PRKCZ: variants seen among roughly 807,000 people sequenced by gnomAD.
The protein encoded by PRKCZ is protein kinase C zeta.
In PRKCZ, 33 loss-of-function variants were observed where a neutral mutation model predicts 79.5. That is an observed-to-expected ratio of 0.41 (90% confidence interval 0.31 to 0.55). The LOEUF (loss-of-function observed/expected upper bound fraction) is 0.55. Among genes scored for constraint, PRKCZ ranks in the 20% least tolerant of loss-of-function variants. PRKCZ has a pLI of 0.19. For synonymous variants in PRKCZ, 342 were observed against 320.9 expected (o/e 1.07, Z -0.70); for missense variants, 578 against 813.5 (o/e 0.71, Z 3.52).
chr1:2,131,829 T>C (rs898348433), intron 4 of PRKCZ, among the ~76,000 whole-genome samples: 1 of 152,250 alleles, frequency 6.6e-6, no homozygotes, highest in Non-Finnish European at 1.5e-5. Context: ...TGTTTTTGTT[T>C]TTGAGAGAGT....
intron 8 of PRKCZ, among the ~76,000 whole-genome samples, chr1:2,150,119 G>T (rs558914933): frequency 1.5e-5 from 2 of 132,716 alleles, no homozygotes; most frequent in African/African-American, 5.9e-5. Flanking sequence ...TCGAGATCGT[G>T]CCACTGCACT....
At chr1:2,136,982 G>A (rs1251359790) in intron 5 of PRKCZ, among the ~76,000 whole-genome samples, 1 of 152,138 alleles carries the variant, frequency 6.6e-6, no homozygotes, top group African/African-American at 2.4e-5. Flanking sequence ...CTGGCCCTCG[G>A]GCGCACAAGA....
chr1:2,081,727 G>T (rs955300227), intron 4 of PRKCZ, among the ~76,000 whole-genome samples: 6 of 152,144 alleles, frequency 3.9e-5, no homozygotes, highest in African/African-American at 9.7e-5. Context: ...AGGGTCAGCA[G>T]CCCAGGCTCT....
At chr1:2,110,121 GCCCTCCCTGGGGGCAGCCAAGGAC>G (rs1669431774) in intron 4 of PRKCZ, among the ~76,000 whole-genome samples, 1 of 71,184 alleles carries the variant, frequency 1.4e-5, no homozygotes, top group African/African-American at 6.5e-5. Context: ...TGAATCCGGG[GCCCTCCCTGGGGGCAGCCAAGGAC>G]CTAAAACCAA....
At chr1:2,054,787 C>T (rs1268295697) in intron 1 of PRKCZ, among the ~76,000 whole-genome samples, 1 of 152,132 alleles carries the variant, frequency 6.6e-6, no homozygotes, top group Non-Finnish European at 1.5e-5. Flanking sequence ...ATCCCGGGGT[C>T]ACCCACATTT....
intron 4 of PRKCZ, among the ~76,000 whole-genome samples, chr1:2,103,690 A>G (rs1667883606): frequency 6.6e-6 from 1 of 152,216 alleles, no homozygotes; most frequent in South Asian, 2.1e-4. Context: ...TATGATTGCA[A>G]CACTGCACTC....
Position 2,112,691 on chromosome 1 carries a change from G to GTTGGT in PRKCZ, c.335-22569_335-22568insGGTTT, listed in dbSNP as rs1553150908. ...TTTTGTTTGTTTGGTTGGTTGGTTGGTTTTTTTTTTTTTTGGAGACAGAGT... is the reference window on the plus strand; with the variant it reads ...TTTTGTTTGTTTGGTTGGTTGGTTGGTTGGTTTTTTTTTTTTTTTGGAGACAGAGT... On this transcript the variant is annotated intron_variant, in intron 4 of 17. Coordinates refer to ENST00000378567, the MANE Select transcript of PRKCZ (RefSeq NM_002744.6). Among the ~76,000 whole-genome samples, 3 of 146,496 alleles carry GTTGGT rather than the reference G, an allele frequency of 2.0e-5. No individual in the cohort carries two copies. The East Asian group carries it at 5.9e-4, about 29-fold the overall frequency.
intron 4 of PRKCZ, among the ~76,000 whole-genome samples, chr1:2,110,955 C>G (rs1464657866): frequency 6.6e-6 from 1 of 152,108 alleles, no homozygotes; most frequent in Non-Finnish European, 1.5e-5. Flanking sequence ...GTCCCTGCGG[C>G]CTTCCCCTCG....
chr1:2,149,018 A>T lies in PRKCZ; in HGVS notation c.687+94A>T. On this transcript the variant is annotated intron_variant, in intron 8 of 17. Transcript: ENST00000378567. The surrounding 1 kb of genome is among the most constrained non-coding windows in gnomAD (Gnocchi z 4.1). ...GTAGTCACGGAAATCTAGATGTGAAATAGACATGGTCCGGGGTGTTGCTAA... is the reference window on the plus strand; with the variant it reads ...GTAGTCACGGAAATCTAGATGTGAATTAGACATGGTCCGGGGTGTTGCTAA... 7.3e-7 allele frequency: 1 copy of T among 1,373,370 alleles called. No homozygotes were observed. The highest frequency in any genetic ancestry group is 1.8e-4 in the Middle Eastern group (1 of 5,620). The allele number at this position is 1,373,370 out of a possible 1,614,324, so 85.1% of individuals were successfully genotyped here.
intron 5 of PRKCZ, 53 bp from the exon 6 acceptor site, chr1:2,144,157 C>T (rs1677993676): frequency 1.3e-6 from 2 of 1,539,476 alleles, no homozygotes; most frequent in Non-Finnish European, 1.8e-6. Flanking sequence ...TGCCTGTCCT[C>T]TCCGCTGGCC....
chr1:2,103,894 C>T (rs1032195863), intron 4 of PRKCZ, among the ~76,000 whole-genome samples: 4 of 152,292 alleles, frequency 2.6e-5, no homozygotes, highest in East Asian at 1.9e-4. Context: ...AACGCGCCCC[C>T]GTTTAAACAC....
chr1:2,152,952 C>T (rs570638370), intron 9 of PRKCZ, among the ~76,000 whole-genome samples: 4 of 152,356 alleles, frequency 2.6e-5, no homozygotes, highest in African/African-American at 4.8e-5. Context: ...TGAAGGTTCG[C>T]GTACAAGAAT....
chr1:2,146,172 C>T (rs1678473985), intron 7 of PRKCZ, 64 bp downstream of exon 7: 1 of 1,478,340 alleles, frequency 6.8e-7, no homozygotes, highest in South Asian at 1.1e-5. Context: ...TCACCTCTGC[C>T]TTCTAGCCAC....
chr1:2,127,584 C>T lies in PRKCZ; in HGVS notation c.335-7678C>T, dbSNP rs1245941389. On this transcript the variant is annotated intron_variant, in intron 4 of 17. Coordinates refer to ENST00000378567, the MANE Select transcript of PRKCZ (RefSeq NM_002744.6). This position sits in a 1 kb window ranked among gnomAD's most constrained non-coding sequence, Gnocchi z 5.1. ...GCAGAAGGAATGAAGGACTTCTGTT[C>T]AGACAGCTCTGCTGGGAGCGTTCTG... Among the ~76,000 whole-genome samples, 1 of 152,242 alleles carries T rather than the reference C, an allele frequency of 6.6e-6. No homozygotes were observed. The highest frequency in any genetic ancestry group is 2.4e-5 in the African/African-American group (1 of 41,472).
Position 2,173,626 on chromosome 1 carries a change from C to T in PRKCZ, c.1286-271C>T, listed in dbSNP as rs1335809632. On this transcript the variant is annotated intron_variant, in intron 13 of 17. Transcript: ENST00000378567. This position sits in a 1 kb window ranked among gnomAD's most constrained non-coding sequence, Gnocchi z 5.7. ...CCGCAGGTTCCACCAGTGCCTCGTG[C>T]CGGTGTGGTCACAGGTGCCCTGGCA... Among the ~76,000 whole-genome samples the T allele has an allele frequency of 1.3e-5, 2 of 152,236 alleles. No individual in the cohort carries two copies. Among genetic ancestry groups the T allele is most frequent in the African/African-American group, 4.8e-5 (2 of 41,448 alleles).
Position 2,178,628 on chromosome 1 carries a change from CA to C in PRKCZ, c.1575+3316del, listed in dbSNP as rs1685943540. On this transcript the variant is annotated intron_variant, in intron 16 of 17. Transcript: ENST00000378567. The surrounding 1 kb of genome is among the most constrained non-coding windows in gnomAD (Gnocchi z 4.3). ...GTCCGGTGGTCTCAGTCTAGCCTTTCAGGGGGGCCACCTGTTCCTGCAGCGG... is the reference window on the plus strand; with the variant it reads ...GTCCGGTGGTCTCAGTCTAGCCTTTCGGGGGGCCACCTGTTCCTGCAGCGG... Among the ~76,000 whole-genome samples, 1 of 152,116 alleles carries C rather than the reference CA, an allele frequency of 6.6e-6. No individual in the cohort carries two copies. The highest frequency in any genetic ancestry group is 1.5e-5 in the Non-Finnish European group (1 of 68,010).
Position 2,146,078 on chromosome 1 carries a change from G to C in PRKCZ, c.604G>C (p.Ala202Pro). The C allele has an allele frequency of 6.2e-7, 1 of 1,614,066 alleles. No homozygotes were observed. The highest frequency in any genetic ancestry group is 8.5e-7 in the Non-Finnish European group (1 of 1,179,954). The part of the protein sequence containing the change: ...EPPVDDKNED[A>P]DLPSEETDGI... ...TCCAGTAGACGACAAGAACGAGGACGCCGACCTTCCTTCCGAGGAGACAGA... is the reference window on the plus strand; with the variant it reads ...TCCAGTAGACGACAAGAACGAGGACCCCGACCTTCCTTCCGAGGAGACAGA... Residue 202 changes from alanine (A) to proline (P), a missense_variant, in exon 7 of 18, where the codon GCC becomes CCC. By Grantham distance (27) the Ala-to-Pro change is conservative. Around this residue, in one of 4 missense-constraint regions of PRKCZ, gnomAD observed 91 missense variants for 97.5 expected, o/e 0.93. Transcript: ENST00000378567.
chr1:2,090,434 G>A (rs374696757), intron 4 of PRKCZ, among the ~76,000 whole-genome samples: 246 of 152,328 alleles, frequency 1.6e-3, no homozygotes, highest in African/African-American at 5.7e-3. Flanking sequence ...GCCAGGGCCC[G>A]TGCCCTGTGT....
At chr1:2,059,473 T>A in intron 3 of PRKCZ, 68 bp from the exon 4 acceptor site, 2 of 1,582,824 alleles carry the variant, frequency 1.3e-6, no homozygotes, top group Non-Finnish European at 1.7e-6. Context: ...GAGGCGGGAC[T>A]TCCTCCGTGA....
Sources: allele counts gnomAD v4.1 joint callset (sites outside exome capture counted in the v4.1 genomes callset), GRCh38; gene constraint gnomAD v4.1.1; regional missense constraint gnomAD v4.1.1; non-coding constraint Gnocchi (gnomAD v3.1); transcripts MANE v1.5; gene names NCBI Gene and HGNC (gene_info 2026-07-23, HGNC 2026-07-21).